Variants in NCALD observed in about 807,000 individuals in gnomAD.
The protein encoded by NCALD is neurocalcin delta.
NCALD carries 10 observed loss-of-function variants against 18.6 expected under a neutral mutation model. The ratio of observed to expected loss-of-function variants is 0.54; its 90% CI spans 0.33 to 0.91. The LOEUF (loss-of-function observed/expected upper bound fraction) is 0.91, where lower values mean the gene tolerates loss of function less well. Ranked by LOEUF, NCALD falls within the 40% of genes least tolerant of loss-of-function variation. NCALD has a pLI of 0.03. For synonymous variants in NCALD, 88 were observed against 87.4 expected, an observed-to-expected ratio of 1.01 and a Z score of -0.04; for missense variants, 184 against 247.6, an observed-to-expected ratio of 0.74 and a Z score of 1.72.
intron 1 of NCALD, among the ~76,000 whole-genome samples, chr8:101,773,010 T>A (rs1292741408): frequency 2.0e-5 from 3 of 152,168 alleles, no homozygotes; most frequent in African/African-American, 7.2e-5. Context: ...TAGTTGCAAT[T>A]TTTTACTTCT....
chr8:101,976,499 C>CT (rs1820428197), intron 2 of NCALD, among the ~76,000 whole-genome samples: 1 of 152,226 alleles, frequency 6.6e-6, no homozygotes, highest in Non-Finnish European at 1.5e-5. Context: ...CTTTTGGAAA[C>CT]TCCAATGTTC....
At chr8:102,009,655 G>A (rs1821836278) in intron 2 of NCALD, among the ~76,000 whole-genome samples, 1 of 152,218 alleles carries the variant, frequency 6.6e-6, no homozygotes, top group Non-Finnish European at 1.5e-5. Flanking sequence ...AAGTTTTGAA[G>A]ATCAGATTTG....
In NCALD at chr8:101,745,575, G is replaced by C. The variant is rs1056760046; in HGVS notation, c.-19-25927C>G. ...TTAAGACAGTTCTTTTCTGGGAAAA[G>C]ACTTAATTACAAAGTGATGTCACAA... On this transcript the variant is annotated intron_variant, in intron 1 of 3. Transcript: ENST00000220931. Among the ~76,000 whole-genome samples the C allele has an allele frequency of 2.6e-5, 4 of 152,280 alleles. No homozygotes were observed. The South Asian group carries it at 6.2e-4, about 24-fold the overall frequency.
In NCALD at chr8:101,873,365, T is replaced by C. The variant is rs138324216; in HGVS notation, c.-20+13776A>G. ...TCCAGAGCTCTGTCCCTCACCTTCA[T>C]GGTGATGCTTCCCAAAGTGTGCAAG... is the stretch of plus-strand genomic sequence containing the variant. On this transcript the variant is annotated intron_variant, in intron 4 of 6. Coordinates refer to the NCALD transcript ENST00000311028. Among the ~76,000 whole-genome samples the C allele has an allele frequency of 1.7e-3, 258 of 152,352 alleles. 3 individuals carry two copies. The East Asian group carries it at 0.039, about 23-fold the overall frequency.
chr8:102,053,275 A>C (rs961083651), intron 1 of NCALD, among the ~76,000 whole-genome samples: 6 of 152,208 alleles, frequency 3.9e-5, no homozygotes, highest in Non-Finnish European at 5.9e-5. Context: ...CTCAACATTA[A>C]GAGATGTTTA....
intron 1 of NCALD, among the ~76,000 whole-genome samples, chr8:102,045,328 A>C (rs890459560): frequency 2.0e-5 from 3 of 152,248 alleles, no homozygotes; most frequent in Non-Finnish European, 4.4e-5. Context: ...GACCTTGGGA[A>C]CTGCACTTTA....
At position 101,774,814 on chromosome 8, in the gene NCALD, GCTCT is replaced by G. The variant is rs1207655889; in HGVS notation, c.-20+16044_-20+16047del. Among the ~76,000 whole-genome samples, 6 of 152,254 alleles carry G rather than the reference GCTCT, an allele frequency of 3.9e-5. No individual in the cohort carries two copies. The East Asian group carries it at 9.7e-4, about 25-fold the overall frequency. ...TTTGCATAAGAACCATTTAACAATG[GCTCT>G]CTCTATCTACTATAAGCTGAATGCT... On this transcript the variant is annotated intron_variant, in intron 1 of 3. Transcript: ENST00000220931.
intron 1 of NCALD, among the ~76,000 whole-genome samples, chr8:101,729,592 G>A (rs1278335892): frequency 6.6e-6 from 1 of 152,156 alleles, no homozygotes; most frequent in African/African-American, 2.4e-5. Context: ...CTGCAGAGAC[G>A]TGACTGGGTT....
intron 4 of NCALD, among the ~76,000 whole-genome samples, chr8:101,848,381 A>C (rs1333674868): frequency 6.6e-6 from 1 of 152,122 alleles, no homozygotes; most frequent in Non-Finnish European, 1.5e-5. Context: ...AACTTGAAAA[A>C]AGTTTTGTCT....
intron 1 of NCALD, among the ~76,000 whole-genome samples, chr8:102,051,122 A>G (rs1478466321): frequency 1.3e-5 from 2 of 151,958 alleles, no homozygotes; most frequent in Non-Finnish European, 2.9e-5. Context: ...CTGTCTCTCA[A>G]CCCCCAATAG....
intron 1 of NCALD, among the ~76,000 whole-genome samples, chr8:101,736,107 C>T (rs1809901710): frequency 6.6e-6 from 1 of 152,160 alleles, no homozygotes; most frequent in African/African-American, 2.4e-5. Context: ...TGCAGGAGCC[C>T]TCATTCTGTA....
intron 2 of NCALD, among the ~76,000 whole-genome samples, chr8:102,004,065 A>G (rs1447726485): frequency 2.1e-4 from 32 of 151,336 alleles, no homozygotes; most frequent in African/African-American, 7.8e-4. Flanking sequence ...AGGGTATTCA[A>G]TTAGGAAAAG....
rs60824028 is a variant in NCALD, at chr8:102,008,968, A to AC, written c.-157+11268_-157+11269insG. On this transcript the variant is annotated intron_variant, in intron 2 of 6. Transcript: ENST00000311028. ...CACACACACACACACACACACACAC[A>AC]AGCCCTAAAAGGGAAGAGGAAAAGT... Among the ~76,000 whole-genome samples, 207 of 136,204 alleles carry AC rather than the reference A, an allele frequency of 1.5e-3. 1 individual carries two copies. The highest frequency in any genetic ancestry group is 1.8e-3 in the Non-Finnish European group (117 of 63,736). 89.4% of individuals were successfully genotyped at this position (136,204 alleles called of 152,430 possible).
At chr8:101,964,460 C>A (rs1819949597) in intron 2 of NCALD, among the ~76,000 whole-genome samples, 1 of 152,146 alleles carries the variant, frequency 6.6e-6, no homozygotes, top group African/African-American at 2.4e-5. Flanking sequence ...AGTAGCCTTC[C>A]ATCTTGTGGC....
At chr8:101,790,380 T>G (rs934127017) in intron 1 of NCALD, among the ~76,000 whole-genome samples, 3 of 152,092 alleles carry the variant, frequency 2.0e-5, no homozygotes, top group Non-Finnish European at 2.9e-5. Flanking sequence ...GTTATAATGT[T>G]ATTTCCCGTG....
chr8:101,741,042 G>A (rs1480520813), intron 1 of NCALD, among the ~76,000 whole-genome samples: 3 of 152,128 alleles, frequency 2.0e-5, no homozygotes, highest in African/African-American at 7.2e-5. Flanking sequence ...GTTCAAAATA[G>A]CTTGTAGTAT....
chr8:101,993,556 C>G (rs1240034637), intron 2 of NCALD, among the ~76,000 whole-genome samples: 1 of 152,078 alleles, frequency 6.6e-6, no homozygotes, highest in Non-Finnish European at 1.5e-5. Flanking sequence ...CCAGGAAGTC[C>G]CAAGGATGGG....
intron 1 of NCALD, among the ~76,000 whole-genome samples, chr8:101,722,329 T>C (rs1174983660): frequency 1.3e-5 from 2 of 152,204 alleles, no homozygotes; most frequent in Non-Finnish European, 2.9e-5. Flanking sequence ...TGTAAAGCTG[T>C]CATTTAGTTG....
At chr8:101,745,040 G>A (rs1451897531) in intron 1 of NCALD, among the ~76,000 whole-genome samples, 2 of 148,206 alleles carry the variant, frequency 1.3e-5, no homozygotes, top group African/African-American at 5.0e-5. Flanking sequence ...ATTTCTGGGG[G>A]GTAGGGTGGG....
Sources: allele counts gnomAD v4.1 joint callset (sites outside exome capture counted in the v4.1 genomes callset), GRCh38; gene constraint gnomAD v4.1.1; transcripts MANE v1.5; gene names NCBI Gene and HGNC (gene_info 2026-07-23, HGNC 2026-07-21).